Variants in ARHGAP6 observed in about 807,000 individuals in gnomAD.
ARHGAP6 encodes the protein Rho GTPase activating protein 6.
Under a neutral mutation model 55.7 loss-of-function variants are expected in ARHGAP6, and 16 were observed. That is an observed-to-expected ratio of 0.29 (90% confidence interval 0.19 to 0.44). ARHGAP6 has a LOEUF of 0.44. Ranked by LOEUF, ARHGAP6 falls within the 20% of genes least tolerant of loss-of-function variation. ARHGAP6 has a pLI of 1.00. For missense variants in ARHGAP6, 698 were observed against 808.9 expected, an observed-to-expected ratio of 0.86 and a Z score of 1.66; for synonymous variants, 382 against 360.9, an observed-to-expected ratio of 1.06 and a Z score of -0.66.
chrX:11,426,781 G>A (rs956903984), intron 1 of ARHGAP6, among the ~76,000 whole-genome samples: 2 of 108,600 alleles, frequency 1.8e-5, no homozygotes, highest in African/African-American at 6.7e-5. Flanking sequence ...ATCTGGATTT[G>A]GTCGGTCGTT....
chrX:11,142,256 C>T lies in ARHGAP6; in HGVS notation c.2234G>A (p.Gly745Glu), dbSNP rs200689370. The T allele has an allele frequency of 1.4e-4, 168 of 1,197,556 alleles. No individual in the cohort carries two copies. Among genetic ancestry groups the T allele is most frequent in the Non-Finnish European group, 1.7e-4 (147 of 887,181 alleles). ...WGTWHSTLKS[G>E]SKDPGMTGSS... ...ACCTGTCATTCCTGGGTCTTTGGAT[C>T]CGCTTTTTAATGTTGAATGCCAAGT... The change falls in exon 12 of 13, where the codon GGA (glycine) becomes GAA (glutamate). Residue 745 changes from glycine (G) to glutamate (E), a missense_variant. Physicochemically the swap from Gly to Glu is moderately conservative, Grantham distance 98. Transcript: ENST00000337414.
chrX:11,438,442 T>C (rs2050009473), intron 1 of ARHGAP6, among the ~76,000 whole-genome samples: 1 of 112,582 alleles, frequency 8.9e-6, no homozygotes, highest in African/African-American at 3.2e-5. Flanking sequence ...TGGTGGTGAT[T>C]AAATTAGTGT....
intron 1 of ARHGAP6, among the ~76,000 whole-genome samples, chrX:11,283,217 G>A (rs2047880448): frequency 8.9e-6 from 1 of 111,862 alleles, no homozygotes; most frequent in African/African-American, 3.3e-5. Context: ...ATCAAAGAAT[G>A]TTTTCTAAGT....
intron 1 of ARHGAP6, among the ~76,000 whole-genome samples, chrX:11,608,621 A>G (rs1467969865): frequency 1.8e-5 from 2 of 111,646 alleles, no homozygotes; most frequent in African/African-American, 6.5e-5. Flanking sequence ...CCCAAATCTC[A>G]TCTTGAATTG....
At chrX:11,611,397 T>C (rs967418650) in intron 1 of ARHGAP6, among the ~76,000 whole-genome samples, 2 of 111,668 alleles carry the variant, frequency 1.8e-5, no homozygotes, top group East Asian at 5.6e-4. Context: ...TAAAATGGAG[T>C]GTAACTACAT....
chrX:11,555,764 A>C (rs766153438), intron 1 of ARHGAP6, among the ~76,000 whole-genome samples: 12 of 110,948 alleles, frequency 1.1e-4, no homozygotes, highest in Non-Finnish European at 1.9e-4. Context: ...ACAACAACAA[A>C]AATGAGCCAC....
chrX:11,246,302 A>G (rs1413415091), intron 2 of ARHGAP6, among the ~76,000 whole-genome samples: 1 of 111,251 alleles, frequency 9.0e-6, no homozygotes, highest in East Asian at 2.8e-4. Flanking sequence ...TTTCATTTAA[A>G]TCTCACATCA....
At chrX:11,515,679 T>C (rs2050831469) in intron 1 of ARHGAP6, among the ~76,000 whole-genome samples, 1 of 112,450 alleles carries the variant, frequency 8.9e-6, no homozygotes, top group Non-Finnish European at 1.9e-5. Flanking sequence ...GAACTAGATG[T>C]GTCATTGTCG....
chrX:11,311,973 T>C (rs1007722072), intron 1 of ARHGAP6, among the ~76,000 whole-genome samples: 8 of 106,107 alleles, frequency 7.5e-5, no homozygotes, highest in African/African-American at 1.0e-4. Context: ...TTTGGCAAGC[T>C]CAACGAAATA....
chrX:11,513,788 G>T (rs1407055134), intron 1 of ARHGAP6, among the ~76,000 whole-genome samples: 1 of 110,800 alleles, frequency 9.0e-6, no homozygotes, highest in African/African-American at 3.3e-5. Context: ...CTGGTCCAAG[G>T]CAGGTAAGAG....
rs143735091 is a variant in ARHGAP6, at chrX:11,256,973, C to T, written c.589-2266G>A. Reference sequence around the variant, plus strand: ...ATTCAGTGAACAGAAGAAAATTCTTCTGGGGCCAGTGTATTTTGAATTTTT... The same window carrying T: ...ATTCAGTGAACAGAAGAAAATTCTTTTGGGGCCAGTGTATTTTGAATTTTT... On this transcript the variant is annotated intron_variant, in intron 1 of 12. Coordinates refer to ENST00000337414, the MANE Select transcript of ARHGAP6 (RefSeq NM_013427.3). Among the ~76,000 whole-genome samples the T allele has an allele frequency of 5.4e-3, 595 of 110,985 alleles. 10 individuals carry two copies. The highest frequency in any genetic ancestry group is 0.027 in the East Asian group (95 of 3,507).
intron 2 of ARHGAP6, among the ~76,000 whole-genome samples, chrX:11,198,020 A>G (rs1360549792): frequency 8.9e-6 from 1 of 112,167 alleles, no homozygotes; most frequent in Non-Finnish European, 1.9e-5. Context: ...TAAAAATGTA[A>G]AGAAAGAGAT....
chrX:11,317,527 G>T (rs945765093), intron 1 of ARHGAP6, among the ~76,000 whole-genome samples: 3 of 112,052 alleles, frequency 2.7e-5, no homozygotes, highest in African/African-American at 9.7e-5. Context: ...TCAAGTCACT[G>T]GATGAAACCC....
chrX:11,218,871 G>A (rs1460248741), intron 2 of ARHGAP6, among the ~76,000 whole-genome samples: 3 of 109,638 alleles, frequency 2.7e-5, no homozygotes, highest in African/African-American at 1.0e-4. Flanking sequence ...TTAATAGTCT[G>A]GCTAGCAGTC....
chrX:11,621,362 AT>A (rs1156686577), intron 1 of ARHGAP6, among the ~76,000 whole-genome samples: 1 of 112,252 alleles, frequency 8.9e-6, no homozygotes, highest in Non-Finnish European at 1.9e-5. Flanking sequence ...CAAAACAAGC[AT>A]GTTTAAAATA....
chrX:11,306,333 T>G (rs1480565801), intron 1 of ARHGAP6, among the ~76,000 whole-genome samples: 1 of 112,727 alleles, frequency 8.9e-6, no homozygotes, highest in Non-Finnish European at 1.9e-5. Context: ...TGTCTCCCCC[T>G]TAGCTGTCAA....
In ARHGAP6 at chrX:11,196,904, A is replaced by G. The variant is rs751959019; in HGVS notation, c.820+21T>C. On this transcript the variant is annotated intron_variant, in intron 3 of 12. Transcript: ENST00000337414. ...TATGCTCCATGGAAGATGCATTTAC[A>G]TTGGGTACTTTACCCTTTACCTTTG... 3 of 901,480 alleles carry G rather than the reference A, an allele frequency of 3.3e-6. No individual in the cohort carries two copies. In the East Asian group the frequency reaches 9.3e-5, roughly 28 times the overall value. 74.3% of individuals were successfully genotyped at this position (901,480 alleles called of 1,213,427 possible).
intron 1 of ARHGAP6, among the ~76,000 whole-genome samples, chrX:11,599,803 T>C (rs1176586879): frequency 1.8e-5 from 2 of 111,908 alleles, no homozygotes; most frequent in East Asian, 2.8e-4. Context: ...CCGGTAACTA[T>C]GTGAGGTGCG....
chrX:11,347,947 C>A (rs2048809713), intron 1 of ARHGAP6, among the ~76,000 whole-genome samples: 1 of 111,854 alleles, frequency 8.9e-6, no homozygotes, highest in Non-Finnish European at 1.9e-5. Flanking sequence ...TCACAAATTG[C>A]CACTTTGTGG....
Sources: gnomAD v4.1 joint callset for allele counts (sites outside exome capture counted in the v4.1 genomes callset) on GRCh38, gnomAD v4.1.1 for gene constraint, MANE v1.5 for transcripts, NCBI Gene and HGNC (gene_info 2026-07-23, HGNC 2026-07-21) for gene names.